The following RIMS1 variants were observed in gnomAD, a reference collection of about 807,000 sequenced individuals.
RIMS1 encodes the protein regulating synaptic membrane exocytosis 1, also known as regulating synaptic membrane exocytosis protein 1.
A neutral mutation model predicts 214.1 loss-of-function variants in RIMS1; 83 were observed. That is an observed-to-expected ratio of 0.39 (90% CI 0.32 to 0.47). The LOEUF (loss-of-function observed/expected upper bound fraction) is 0.47. Ranked by LOEUF, RIMS1 falls within the 20% of genes least tolerant of loss-of-function variation. RIMS1 has a pLI of 0.99. For synonymous variants in RIMS1, 793 were observed against 786.8 expected (o/e 1.01, Z -0.13); for missense variants, 2,050 against 2,161.8 (o/e 0.95, Z 1.03).
intron 28 of RIMS1, among the ~76,000 whole-genome samples, chr6:72,320,722 CTTA>C (rs372602126): frequency 8.4e-4 from 128 of 151,870 alleles, no homozygotes; most frequent in Middle Eastern, 3.5e-3. Flanking sequence ...GAGATAAATA[CTTA>C]TTATTGTTTT....
At chr6:72,260,571 T>G (rs1161179552) in intron 18 of RIMS1, 134 bp from the exon 19 acceptor site, 13 of 1,202,506 alleles carry the variant, frequency 1.1e-5, no homozygotes, top group Non-Finnish European at 1.2e-6. Flanking sequence ...TTATTTTTGT[T>G]TAACCTCTCA....
intron 19 of RIMS1, chr6:72,261,946 T>C: frequency 1.0e-6 from 1 of 984,544 alleles, no homozygotes; most frequent in Non-Finnish European, 1.2e-6. Context: ...AGGTTTATTA[T>C]TACTTGTTCT....
intron 2 of RIMS1, among the ~76,000 whole-genome samples, chr6:72,062,786 C>T (rs1365637705): frequency 6.6e-6 from 1 of 152,172 alleles, no homozygotes; most frequent in Non-Finnish European, 1.5e-5. Context: ...CATATCACTT[C>T]TGTAGCTCCT....
At chr6:72,009,290 C>T (rs1312010202) in intron 2 of RIMS1, among the ~76,000 whole-genome samples, 1 of 152,134 alleles carries the variant, frequency 6.6e-6, no homozygotes, top group African/African-American at 2.4e-5. Flanking sequence ...AACAAAGACA[C>T]AACATACCAG....
At chr6:72,025,095 G>A (rs1816013624) in intron 2 of RIMS1, among the ~76,000 whole-genome samples, 1 of 151,742 alleles carries the variant, frequency 6.6e-6, no homozygotes, top group South Asian at 2.1e-4. Context: ...GTAGAGACAG[G>A]GTTTCACCAT....
At chr6:71,942,888 T>C (rs1259261847) in intron 1 of RIMS1, among the ~76,000 whole-genome samples, 1 of 152,064 alleles carries the variant, frequency 6.6e-6, no homozygotes, top group African/African-American at 2.4e-5. Context: ...TGTACAAATA[T>C]TAAATGTAAA....
chr6:72,023,587 T>C (rs1245167437), intron 2 of RIMS1, among the ~76,000 whole-genome samples: 1 of 152,072 alleles, frequency 6.6e-6, no homozygotes, highest in African/African-American at 2.4e-5. Flanking sequence ...ATGATGTTAT[T>C]TGAGATATGG....
At chr6:71,895,806 C>T (rs925521150) in intron 1 of RIMS1, among the ~76,000 whole-genome samples, 1 of 151,326 alleles carries the variant, frequency 6.6e-6, no homozygotes, top group Non-Finnish European at 1.5e-5. Flanking sequence ...TATGAAGTAC[C>T]TAGGGTATGT....
At chr6:72,397,645 A>G (rs922881241) in intron 31 of RIMS1, among the ~76,000 whole-genome samples, 1 of 152,244 alleles carries the variant, frequency 6.6e-6, no homozygotes, top group Non-Finnish European at 1.5e-5. Flanking sequence ...ACTGTTCATT[A>G]TAACCCTATT....
chr6:72,271,435 T>G (rs1278312060), intron 22 of RIMS1, among the ~76,000 whole-genome samples: 3 of 151,410 alleles, frequency 2.0e-5, no homozygotes, highest in African/African-American at 7.3e-5. Context: ...TCTCATTTGT[T>G]TTGGTTTCTA....
chr6:72,008,156 G>A (rs1388174949), intron 2 of RIMS1, among the ~76,000 whole-genome samples: 3 of 152,144 alleles, frequency 2.0e-5, no homozygotes, highest in African/African-American at 7.2e-5. Context: ...AGAAGAGAGT[G>A]GGGACCAATA....
chr6:72,251,238 G>C lies in RIMS1; in HGVS notation c.2568G>C (p.Ala856=). 1 of 1,598,062 alleles carries C rather than the reference G, an allele frequency of 6.3e-7. No homozygotes were observed. Among genetic ancestry groups the C allele is most frequent in the Non-Finnish European group, 8.5e-7 (1 of 1,171,354 alleles). ...LGEILIELET[A]LLDDEPHWYK... is the part of the protein sequence containing the mutation. ...AGATCCTCATAGAATTGGAGACAGC[G>C]CTTTTAGATGATGAACCGCATTGGT... Residue 856 remains alanine (A), a synonymous_variant, in exon 15 of 34, where the codon GCG becomes GCC. Transcript: ENST00000521978.
chr6:72,005,100 T>G (rs1425570667), intron 2 of RIMS1, among the ~76,000 whole-genome samples: 1 of 152,106 alleles, frequency 6.6e-6, no homozygotes, highest in Non-Finnish European at 1.5e-5. Flanking sequence ...GCTAGCCAGT[T>G]TTCCCAGCAC....
At chr6:72,212,907 G>A (rs2054075479) in intron 6 of RIMS1, 1 of 1,333,132 alleles carries the variant, frequency 7.5e-7, no homozygotes, top group Admixed American at 3.2e-5. Flanking sequence ...AGTGCCTGCA[G>A]TGACCTGAGT....
chr6:71,962,632 T>G (rs117386735), intron 1 of RIMS1, among the ~76,000 whole-genome samples: 2 of 152,308 alleles, frequency 1.3e-5, no homozygotes, highest in African/African-American at 2.4e-5. Context: ...CACGTTCATT[T>G]GTTCACTGAT....
chr6:72,304,721 T>C, intron 26 of RIMS1, among the ~76,000 whole-genome samples: 1 of 151,964 alleles, frequency 6.6e-6, no homozygotes, highest in Non-Finnish European at 1.5e-5. Flanking sequence ...TAAACAGTTA[T>C]TTCAGAATAT....
rs148119888 is a variant in RIMS1, at chr6:72,207,325, C to T, written c.1678+24176C>T. Among the ~76,000 whole-genome samples, 481 of 152,284 alleles carry T rather than the reference C, an allele frequency of 3.2e-3. 3 individuals carry two copies. Among genetic ancestry groups the T allele is most frequent in the Middle Eastern group, 0.024 (7 of 294 alleles). On this transcript the variant is annotated intron_variant, in intron 6 of 33. Transcript: ENST00000521978. ...TAGAAATAATAGAGTGAGACATACGCTCCTGTGTAGCATTTAATTACTTAG... is the reference window on the plus strand; with the variant it reads ...TAGAAATAATAGAGTGAGACATACGTTCCTGTGTAGCATTTAATTACTTAG...
intron 19 of RIMS1, chr6:72,263,739 A>T: frequency 1.0e-6 from 1 of 984,684 alleles, no homozygotes; most frequent in African/African-American, 1.7e-5. Flanking sequence ...TGAAGCGGGC[A>T]GATCACTTGA....
At chr6:71,955,883 A>G (rs1337673728) in intron 1 of RIMS1, among the ~76,000 whole-genome samples, 3 of 152,172 alleles carry the variant, frequency 2.0e-5, no homozygotes, top group African/African-American at 7.2e-5. Context: ...TGAGTTACAT[A>G]GCAACAAACT....
Sources: gnomAD v4.1 joint callset for allele counts (sites outside exome capture counted in the v4.1 genomes callset) on GRCh38, gnomAD v4.1.1 for gene constraint, MANE v1.5 for transcripts, NCBI Gene and HGNC (gene_info 2026-07-23, HGNC 2026-07-21) for gene names.